DNM2: variants seen among roughly 807,000 people sequenced by gnomAD.
The protein encoded by DNM2 is dynamin 2, also known as dynamin-2.
A neutral mutation model predicts 99.0 loss-of-function variants in DNM2; 15 were observed. The ratio of observed to expected loss-of-function variants is 0.15; its 90% CI spans 0.10 to 0.23. The LOEUF is 0.23. Ranked by LOEUF, DNM2 falls within the 10% of genes least tolerant of loss-of-function variation. DNM2 has a pLI of 1.00. For synonymous variants in DNM2, 525 were observed against 481.2 expected, an observed-to-expected ratio of 1.09 and a Z score of -1.19; for missense variants, 742 against 1,189.4, an observed-to-expected ratio of 0.62 and a Z score of 5.53.
At chr19:10,807,987 C>CA (rs1236032466) in intron 13 of DNM2, among the ~76,000 whole-genome samples, 1 of 150,814 alleles carries the variant, frequency 6.6e-6, no homozygotes, top group Non-Finnish European at 1.5e-5. Flanking sequence ...TACTAAAATA[C>CA]AAAAAATTAG....
At position 10,796,142 on chromosome 19, in the gene DNM2, A is replaced by G. The variant is rs1460963465; in HGVS notation, c.1196+703A>G. On this transcript the variant is annotated intron_variant, in intron 9 of 20. Coordinates refer to ENST00000389253, the MANE Select transcript of DNM2 (RefSeq NM_001005361.3). The surrounding 1 kb of genome is among the most constrained non-coding windows in gnomAD (Gnocchi z 5.6). ...TCAAGCTGAAAGAGCCCTGTCTGAA[A>G]TGTGTCGACCTGGTTATCCAGGAGC... The G allele has an allele frequency of 2.5e-6, 4 of 1,614,030 alleles. No homozygotes were observed. Among genetic ancestry groups the G allele is most frequent in the Admixed American group, 3.3e-5 (2 of 60,006 alleles).
intron 1 of DNM2, 123 bp from the exon 2 acceptor site, chr19:10,759,615 G>T: frequency 8.8e-7 from 1 of 1,137,378 alleles, no homozygotes; most frequent in South Asian, 1.2e-5. Context: ...GCCCAGCTGG[G>T]GTTGGTGCCT....
chr19:10,820,779 C>T lies in DNM2; in HGVS notation c.1781+690C>T, dbSNP rs535681886. Among the ~76,000 whole-genome samples, 2 of 152,204 alleles carry T rather than the reference C, an allele frequency of 1.3e-5. No homozygotes were observed. Among genetic ancestry groups the T allele is most frequent in the East Asian group, 3.8e-4 (2 of 5,202 alleles). ...GCTCCAGTCTGGGATGTGAACTGGG[C>T]AGTCACCATTGCGTGGATGGTATTT... is the stretch of plus-strand genomic sequence containing the variant. On this transcript the variant is annotated intron_variant, in intron 16 of 20. Coordinates refer to ENST00000389253, the MANE Select transcript of DNM2 (RefSeq NM_001005361.3). This position sits in a 1 kb window ranked among gnomAD's most constrained non-coding sequence, Gnocchi z 4.3.
chr19:10,783,024 A>C lies in DNM2; in HGVS notation c.753A>C (p.Ala251=), dbSNP rs2071430219. 1.2e-6 allele frequency: 2 copies of C among 1,613,998 alleles called. No individual in the cohort carries two copies. The highest frequency in any genetic ancestry group is 1.7e-6 in the Non-Finnish European group (2 of 1,180,058). Reference sequence around the variant, plus strand: ...AGGGCAAGAAGGACATCCGTGCAGCACTGGCAGCTGAGAGGAAGTTCTTCC... The same window carrying C: ...AGGGCAAGAAGGACATCCGTGCAGCCCTGGCAGCTGAGAGGAAGTTCTTCC... The part of the protein sequence containing the change: ...DIEGKKDIRA[A]LAAERKFFLS... The change falls in exon 6 of 21, where the codon GCA becomes GCC. Residue 251 remains alanine (A), a synonymous_variant. Transcript: ENST00000389253.
intron 2 of DNM2, among the ~76,000 whole-genome samples, chr19:10,760,868 C>T (rs1329674562): frequency 9.1e-6 from 1 of 110,046 alleles, no homozygotes; most frequent in Non-Finnish European, 1.8e-5. Context: ...GTTATGTTAC[C>T]CAGGCAGGTC....
intron 5 of DNM2, among the ~76,000 whole-genome samples, chr19:10,779,597 T>A (rs2071287383): frequency 7.1e-6 from 1 of 140,346 alleles, no homozygotes; most frequent in East Asian, 2.5e-4. Flanking sequence ...AGCCTTAAAC[T>A]CCCAGGCTCA....
chr19:10,727,746 G>A (rs995372787), intron 1 of DNM2, among the ~76,000 whole-genome samples: 2 of 152,034 alleles, frequency 1.3e-5, no homozygotes, highest in East Asian at 1.9e-4. Context: ...TCTCGCTGTC[G>A]CTCTCAGCGT....
intron 1 of DNM2, among the ~76,000 whole-genome samples, chr19:10,719,487 C>A (rs923620647): frequency 3.3e-5 from 5 of 152,098 alleles, no homozygotes; most frequent in African/African-American, 1.2e-4. Flanking sequence ...TGAGAAGCCG[C>A]GGTGTGCCCA....
intron 4 of DNM2, among the ~76,000 whole-genome samples, chr19:10,776,896 C>T (rs2071174492): frequency 6.6e-6 from 1 of 152,184 alleles, no homozygotes; most frequent in East Asian, 1.9e-4. Flanking sequence ...GAGTATTTGC[C>T]GTGTGCCAGG....
intron 16 of DNM2, among the ~76,000 whole-genome samples, chr19:10,822,853 T>C (rs1392303430): frequency 1.3e-5 from 2 of 148,382 alleles, no homozygotes; most frequent in African/African-American, 4.9e-5. Context: ...ACGCCTGTAA[T>C]CCCAGCACTT....
Position 10,751,625 on chromosome 19 carries a change from T to C in DNM2, c.162-8113T>C, listed in dbSNP as rs370580746. On this transcript the variant is annotated intron_variant, in intron 1 of 20. Coordinates refer to ENST00000389253, the MANE Select transcript of DNM2 (RefSeq NM_001005361.3). ...AGGCAGTCCAGGCCGAGGGTGAATGTTGGTGCCCTTTGCATGCAGCAGTCT... is the reference window on the plus strand; with the variant it reads ...AGGCAGTCCAGGCCGAGGGTGAATGCTGGTGCCCTTTGCATGCAGCAGTCT... 5.3e-5 allele frequency among the ~76,000 whole-genome samples: 8 copies of C among 152,188 alleles called. No homozygotes were observed. In the East Asian group the frequency reaches 1.5e-3, roughly 29 times the overall value.
chr19:10,826,781 G>T (rs1308246963), intron 18 of DNM2, among the ~76,000 whole-genome samples: 3 of 152,130 alleles, frequency 2.0e-5, no homozygotes, highest in Non-Finnish European at 4.4e-5. Flanking sequence ...CAGCTACTCA[G>T]AAGACCGAGG....
Position 10,718,472 on chromosome 19 carries a change from G to A in DNM2, c.161+69G>A, listed in dbSNP as rs772638494. ...GCGCGGAGGGCGGACCGGGAATGGC[G>A]CGCCGTGCGCCGCCGGCGTAACTGC... is the stretch of plus-strand genomic sequence containing the variant. On this transcript the variant is annotated intron_variant, in intron 1 of 20. Coordinates refer to ENST00000389253, the MANE Select transcript of DNM2 (RefSeq NM_001005361.3). 7.7e-6 allele frequency: 10 copies of A among 1,291,062 alleles called. No homozygotes were observed. In the East Asian group the frequency reaches 2.6e-4, roughly 33 times the overall value. The allele number at this position is 1,291,062 out of a possible 1,614,324, so 80.0% of individuals were successfully genotyped here. A position where few individuals can be genotyped will look rare whatever the true frequency, so the allele number is the denominator to read the frequency against.
chr19:10,783,732 A>C (rs2071461206), intron 6 of DNM2, among the ~76,000 whole-genome samples: 1 of 149,170 alleles, frequency 6.7e-6, no homozygotes. Flanking sequence ...ACACAGTCTC[A>C]CTCTGTCACC....
At chr19:10,803,669 G>T (rs2072236003) in intron 12 of DNM2, 25 of 986,158 alleles carry the variant, frequency 2.5e-5, no homozygotes, top group Non-Finnish European at 3.0e-5. Context: ...TGGTGACCTG[G>T]TGGGTATTGC....
rs140897276 is a variant in DNM2 at position 10,761,422 on chromosome 19, A to G, written c.235+1611A>G. Among the ~76,000 whole-genome samples the G allele has an allele frequency of 2.9e-3, 447 of 152,168 alleles. 3 individuals carry two copies. The highest frequency in any genetic ancestry group is 9.7e-3 in the African/African-American group (403 of 41,516). On this transcript the variant is annotated intron_variant, in intron 2 of 20. Transcript: ENST00000389253. The stretch of plus-strand genomic sequence containing the variant: ...TTTCTATTCTTCCCACCCGAGGCTG[A>G]CATGAGGTGGGCGTATATCCCAGCT...
At chr19:10,809,475 C>T (rs1468649185) in intron 14 of DNM2, 1 of 152,318 alleles carries the variant, frequency 6.6e-6, no homozygotes, top group Non-Finnish European at 1.5e-5. Flanking sequence ...CTGTCCATCC[C>T]TGCTGTGGGT....
At chr19:10,825,871 A>T (rs944406669) in intron 18 of DNM2, among the ~76,000 whole-genome samples, 1 of 151,614 alleles carries the variant, frequency 6.6e-6, no homozygotes, top group African/African-American at 2.4e-5. Context: ...AAAAAAAAAA[A>T]AAATGAGAAG....
intron 2 of DNM2, among the ~76,000 whole-genome samples, chr19:10,761,751 C>A (rs938785197): frequency 6.6e-6 from 1 of 152,196 alleles, no homozygotes; most frequent in Admixed American, 6.5e-5. Flanking sequence ...CAGCTCTCAG[C>A]TTGGCCTCCC....
Sources: gnomAD v4.1 joint callset for allele counts (sites outside exome capture counted in the v4.1 genomes callset) on GRCh38, gnomAD v4.1.1 for gene constraint, Gnocchi (gnomAD v3.1) non-coding constraint, MANE v1.5 for transcripts, NCBI Gene and HGNC (gene_info 2026-07-23, HGNC 2026-07-21) for gene names.